GPT: variants seen among roughly 807,000 people sequenced by gnomAD.
GPT encodes the protein alanine aminotransferase 1.
In GPT, 60 loss-of-function variants were observed where a neutral mutation model predicts 51.4. That is an observed-to-expected ratio of 1.17 (90% confidence interval 0.95 to 1.45). The LOEUF (loss-of-function observed/expected upper bound fraction) is 1.45. Ranked by LOEUF, GPT falls within the 40% of genes most tolerant of loss-of-function variation. The pLI is 0.00. For synonymous variants in GPT, 397 were observed against 303.1 expected (o/e 1.31, Z -3.22); for missense variants, 853 against 704.0 (o/e 1.21, Z -2.40).
Position 144,506,971 on chromosome 8 carries a change from C to T in GPT, c.1462C>T (p.His488Tyr). Reference sequence around the variant, plus strand: ...GCTGCTGGAGAAGCTGAGCAGGTTCCATGCCAAGTTCACCCTCGAGTACTC... The same window carrying T: ...GCTGCTGGAGAAGCTGAGCAGGTTCTATGCCAAGTTCACCCTCGAGTACTC... ...RLLLEKLSRF[H>Y]AKFTLEYS The change falls in exon 11 of 11, where the codon CAT becomes TAT. Residue 488 changes from histidine (H) to tyrosine (Y), a missense_variant. Physicochemically the swap from His to Tyr is moderately conservative, Grantham distance 83. Transcript: ENST00000394955. This position sits in a 1 kb window ranked among gnomAD's most constrained non-coding sequence, Gnocchi z 7.0. The T allele has an allele frequency of 6.2e-7, 1 of 1,612,722 alleles. No individual in the cohort carries two copies. The highest frequency in any genetic ancestry group is 8.5e-7 in the Non-Finnish European group (1 of 1,179,882).
At position 144,506,477 on chromosome 8, in the gene GPT, T is replaced by C. The variant is rs1444894727; in HGVS notation, c.1132-24T>C. 15 of 1,587,900 alleles carry C rather than the reference T, an allele frequency of 9.4e-6. No individual in the cohort carries two copies. Among genetic ancestry groups the C allele is most frequent in the African/African-American group, 1.3e-5 (1 of 74,622 alleles). The stretch of plus-strand genomic sequence containing the variant: ...GGGGATGCCGAGTGCCGTGCCCTGA[T>C]GGGCCCTCCCTCCGCGGCCACAGGA... On this transcript the variant is annotated intron_variant, in intron 8 of 10. Coordinates refer to ENST00000394955, the MANE Select transcript of GPT (RefSeq NM_005309.3). This position sits in a 1 kb window ranked among gnomAD's most constrained non-coding sequence, Gnocchi z 7.0.
At chr8:144,504,749 C>T in intron 2 of GPT, 22 bp from the exon 3 acceptor site, 2 of 1,599,944 alleles carry the variant, frequency 1.3e-6, no homozygotes, top group Non-Finnish European at 1.7e-6. Flanking sequence ...TGTGCCCTGG[C>T]CTCAGCACTC....
rs1363067936 is a variant in GPT, at chr8:144,504,464, C to T, written c.160C>T (p.Gln54Ter). Residue 54 changes from glutamine (Q) to a stop codon, truncating the protein, a stop_gained and splice_region_variant, in exon 1 of 11, where the codon CAG (glutamine) becomes TAG (stop). Coordinates refer to ENST00000394955, the MANE Select transcript of GPT (RefSeq NM_005309.3). LOFTEE classifies it high-confidence loss of function. Reference protein sequence around the residue: ...RALELEQELRQGVKKPFTEVI... With the variant: ...RALELEQELR Reference sequence around the variant, plus strand: ...CTTGGAGCTGGAGCAGGAGCTGCGCCAGGTATGGCCCAGGGCCCCTCGCTG... The same window carrying T: ...CTTGGAGCTGGAGCAGGAGCTGCGCTAGGTATGGCCCAGGGCCCCTCGCTG... 1.2e-6 allele frequency: 2 copies of T among 1,609,464 alleles called. No individual in the cohort carries two copies. The highest frequency in any genetic ancestry group is 1.7e-6 in the Non-Finnish European group (2 of 1,179,538).
chr8:144,505,882 G>T lies in GPT; in HGVS notation c.774G>T (p.Val258=). 6.3e-7 allele frequency: 1 copy of T among 1,576,646 alleles called. No homozygotes were observed. The highest frequency in any genetic ancestry group is 2.3e-5 in the East Asian group (1 of 42,730). Residue 258 remains valine (V), a synonymous_variant, in exon 6 of 11, where the codon GTG becomes GTT. Transcript: ENST00000394955. ...QVQTRECIEA[V]IRFAFEERLF... ...AGACCCGCGAGTGCATCGAGGCCGT[G>T]ATCCGCTTCGCCTTCGAAGAGCGGC...
chr8:144,506,044 A>G lies in GPT; in HGVS notation c.869A>G (p.Lys290Arg). Reference sequence around the variant, plus strand: ...GCGGGTTCGCAGTTCCACTCATTCAAGAAGGTGCTCATGGAGATGGGGCCG... The same window carrying G: ...GCGGGTTCGCAGTTCCACTCATTCAGGAAGGTGCTCATGGAGATGGGGCCG... ...YAAGSQFHSF[K>R]KVLMEMGPPY... Residue 290 changes from lysine (K) to arginine (R), a missense_variant, in exon 7 of 11, where the codon AAG (lysine) becomes AGG (arginine). By Grantham distance (26) the Lys-to-Arg change is conservative. Coordinates refer to ENST00000394955, the MANE Select transcript of GPT (RefSeq NM_005309.3). The surrounding 1 kb of genome is among the most constrained non-coding windows in gnomAD (Gnocchi z 7.0). 6.2e-7 allele frequency: 1 copy of G among 1,612,410 alleles called. No individual in the cohort carries two copies. The highest frequency in any genetic ancestry group is 8.5e-7 in the Non-Finnish European group (1 of 1,179,714).
At position 144,506,466 on chromosome 8, in the gene GPT, C is replaced by A; in HGVS notation, c.1132-35C>A. 1 of 1,580,226 alleles carries A rather than the reference C, an allele frequency of 6.3e-7. No homozygotes were observed. The highest frequency in any genetic ancestry group is 1.3e-5 in the African/African-American group (1 of 74,612). ...AATCAGGGGTGGGGGATGCCGAGTG[C>A]CGTGCCCTGATGGGCCCTCCCTCCG... is the stretch of plus-strand genomic sequence containing the variant. On this transcript the variant is annotated intron_variant, in intron 8 of 10. Transcript: ENST00000394955. The surrounding 1 kb of genome is among the most constrained non-coding windows in gnomAD (Gnocchi z 7.0).
At position 144,504,192 on chromosome 8, in the gene GPT, C is replaced by A; in HGVS notation, c.-113C>A. 8.6e-7 allele frequency: 1 copy of A among 1,157,958 alleles called. No homozygotes were observed. Among genetic ancestry groups the A allele is most frequent in the Non-Finnish European group, 1.2e-6 (1 of 803,486 alleles). 71.7% of individuals were successfully genotyped at this position (1,157,958 alleles called of 1,614,324 possible). On this transcript the variant is annotated 5_prime_UTR_variant, in exon 1 of 11. Transcript: ENST00000394955. ...GCTCTCTTGCCTGGAGTTCCCTCTGCTACGGCTGCCCCCTCCCAGCCCTGG... is the reference window on the plus strand; with the variant it reads ...GCTCTCTTGCCTGGAGTTCCCTCTGATACGGCTGCCCCCTCCCAGCCCTGG...
At position 144,505,285 on chromosome 8, in the gene GPT, C is replaced by G; in HGVS notation, c.535C>G (p.Arg179Gly). 2 of 1,582,312 alleles carry G rather than the reference C, an allele frequency of 1.3e-6. No individual in the cohort carries two copies. The highest frequency in any genetic ancestry group is 8.6e-7 in the Non-Finnish European group (1 of 1,164,822). The change falls in exon 5 of 11, where the codon CGC (arginine) becomes GGC (glycine). Residue 179 changes from arginine to glycine, a missense_variant. Physicochemically the swap from Arg to Gly is moderately radical, Grantham distance 125. Coordinates refer to ENST00000394955, the MANE Select transcript of GPT (RefSeq NM_005309.3). ...GCTGGTGGCCGGCGAGGGCCACACA[C>G]GCACGGGTGTGCTCATCCCCATCCC... ...KLLVAGEGHT[R>G]TGVLIPIPQY...
At chr8:144,503,226 C>T (rs911669423), upstream of GPT, 5 of 152,206 alleles carry the variant, frequency 3.3e-5, no homozygotes, top group African/African-American at 9.7e-5. Flanking sequence ...GGCTGGTTGC[C>T]CACAGCCCTG....
chr8:144,505,176 G>A (rs1189332467), intron 4 of GPT, 45 bp downstream of exon 4: 4 of 1,612,616 alleles, frequency 2.5e-6, no homozygotes, highest in African/African-American at 1.3e-5. Context: ...ACTGCAGAGG[G>A]GGCGCCCAGG....
In GPT at chr8:144,506,641, G is replaced by A. The variant is rs771805043; in HGVS notation, c.1272G>A (p.Ala424=). ...CGCGCGTGCAGCTGCCCCCGCGGGC[G>A]GTGGAGCGCGCTCAGGTCAGGCGGG... ...SFPRVQLPPR[A]VERAQELGLA... is the part of the protein sequence containing the mutation. The change falls in exon 9 of 11, where the codon GCG becomes GCA. Residue 424 remains alanine, a synonymous_variant. Transcript: ENST00000394955. This position sits in a 1 kb window ranked among gnomAD's most constrained non-coding sequence, Gnocchi z 7.0. 8.7e-5 allele frequency: 135 copies of A among 1,558,282 alleles called. 1 individual carries two copies. The South Asian group carries it at 1.1e-3, about 13-fold the overall frequency.
chr8:144,505,148 C>A lies in GPT; in HGVS notation c.495+17C>A. ...GCCATCGTGGTAGGCTGGGCATGGGCACCAAGACATTCCTGACACTGCAGA... is the reference window on the plus strand; with the variant it reads ...GCCATCGTGGTAGGCTGGGCATGGGAACCAAGACATTCCTGACACTGCAGA... On this transcript the variant is annotated intron_variant, in intron 4 of 10. Coordinates refer to ENST00000394955, the MANE Select transcript of GPT (RefSeq NM_005309.3). 1 of 1,612,898 alleles carries A rather than the reference C, an allele frequency of 6.2e-7. No homozygotes were observed. The highest frequency in any genetic ancestry group is 8.5e-7 in the Non-Finnish European group (1 of 1,179,998).
Position 144,506,087 on chromosome 8 carries a change from G to A in GPT, c.912G>A (p.Gln304=), listed in dbSNP as rs770500560. The part of the protein sequence containing the change: ...MEMGPPYAGQ[Q]ELASFHSTSK... The stretch of plus-strand genomic sequence containing the variant: ...TGGGGCCGCCCTACGCCGGGCAGCA[G>A]GAGCTTGCCTCCTTCCACTCCACCT... Residue 304 remains glutamine (Q), a synonymous_variant, in exon 7 of 11, where the codon CAG becomes CAA. Transcript: ENST00000394955. This position sits in a 1 kb window ranked among gnomAD's most constrained non-coding sequence, Gnocchi z 7.0. 3.1e-6 allele frequency: 5 copies of A among 1,612,236 alleles called. No individual in the cohort carries two copies. The African/African-American group carries it at 4.0e-5, about 13-fold the overall frequency.
rs1400375044 is a variant in GPT at position 144,505,274 on chromosome 8, A to G, written c.524A>G (p.Glu175Gly). 6.3e-7 allele frequency: 1 copy of G among 1,591,540 alleles called. No individual in the cohort carries two copies. Among genetic ancestry groups the G allele is most frequent in the Non-Finnish European group, 8.5e-7 (1 of 1,169,758 alleles). ...GTGCTGAAGCTGCTGGTGGCCGGCG[A>G]GGGCCACACACGCACGGGTGTGCTC... ...VTVLKLLVAG[E>G]GHTRTGVLIP... Residue 175 changes from glutamate to glycine, a missense_variant, in exon 5 of 11, where the codon GAG becomes GGG. Physicochemically the swap from Glu to Gly is moderately conservative, Grantham distance 98. Coordinates refer to ENST00000394955, the MANE Select transcript of GPT (RefSeq NM_005309.3).
rs376198243 is a variant in GPT at position 144,505,458 on chromosome 8, G to A, written c.708G>A (p.Ala236=). ...CGCGTGACCACTGCCGCCCTCGTGC[G>A]CTCTGTGTCATCAACCCTGGCAACC... is the stretch of plus-strand genomic sequence containing the variant. ...GQARDHCRPR[A]LCVINPGNPT... The change falls in exon 5 of 11, where the codon GCG becomes GCA. Residue 236 remains alanine (A), a synonymous_variant. Transcript: ENST00000394955. 3 of 1,594,542 alleles carry A rather than the reference G, an allele frequency of 1.9e-6. No individual in the cohort carries two copies. The highest frequency in any genetic ancestry group is 4.5e-5 in the East Asian group (2 of 44,112).
rs756132776 is a variant in GPT at position 144,504,404 on chromosome 8, G to A, written c.100G>A (p.Glu34Lys). 5.6e-6 allele frequency: 9 copies of A among 1,611,676 alleles called. No individual in the cohort carries two copies. Among genetic ancestry groups the A allele is most frequent in the Non-Finnish European group, 7.6e-6 (9 of 1,179,934 alleles). ...CATGAACCCGCGTGTGCGGAGAGTG[G>A]AGTACGCAGTGCGTGGCCCCATAGT... The part of the protein sequence containing the change: ...DGMNPRVRRV[E>K]YAVRGPIVQR... The change falls in exon 1 of 11, where the codon GAG becomes AAG. Residue 34 changes from glutamate (E) to lysine (K), a missense_variant. Transcript: ENST00000394955.
chr8:144,504,194 A>T lies in GPT; in HGVS notation c.-111A>T. The T allele has an allele frequency of 2.5e-6, 3 of 1,180,808 alleles. No homozygotes were observed. Among genetic ancestry groups the T allele is most frequent in the Non-Finnish European group, 3.6e-6 (3 of 823,760 alleles). The allele number at this position is 1,180,808 out of a possible 1,614,324, so 73.1% of individuals were successfully genotyped here. The stretch of plus-strand genomic sequence containing the variant: ...TCTCTTGCCTGGAGTTCCCTCTGCT[A>T]CGGCTGCCCCCTCCCAGCCCTGGCC... On this transcript the variant is annotated 5_prime_UTR_variant, in exon 1 of 11. Coordinates refer to ENST00000394955, the MANE Select transcript of GPT (RefSeq NM_005309.3).
rs1175603085 is a variant in GPT, at chr8:144,506,337, ACAGGCCCTGCTGGACCT to A, written c.1063_1079del (p.Gln355GlyfsTer18). ...TGCGGCTGTGCCCGCCGGTGCCAGGACAGGCCCTGCTGGACCTGGTGGTCAGCCCGCCCGCGCCCACC... is the reference window on the plus strand; with the variant it reads ...TGCGGCTGTGCCCGCCGGTGCCAGGAGGTGGTCAGCCCGCCCGCGCCCACC... On this transcript the variant is annotated frameshift_variant, in exon 8 of 11. Transcript: ENST00000394955. LOFTEE classifies it high-confidence loss of function. The surrounding 1 kb of genome is among the most constrained non-coding windows in gnomAD (Gnocchi z 7.0). 1.3e-6 allele frequency: 2 copies of A among 1,580,470 alleles called. No homozygotes were observed. The highest frequency in any genetic ancestry group is 4.6e-5 in the East Asian group (2 of 43,270).
rs765958896 is a variant in GPT, at chr8:144,506,956, A to T, written c.1447A>T (p.Lys483Ter). 3.1e-6 allele frequency: 5 copies of T among 1,612,634 alleles called. No homozygotes were observed. Among genetic ancestry groups the T allele is most frequent in the Non-Finnish European group, 4.2e-6 (5 of 1,179,936 alleles). ...PLEKLRLLLE[K>*]LSRFHAKFTL... ...GGAGAAACTGCGGCTGCTGCTGGAG[A>T]AGCTGAGCAGGTTCCATGCCAAGTT... is the stretch of plus-strand genomic sequence containing the variant. Residue 483 changes from lysine to a stop codon, truncating the protein, a stop_gained, in exon 11 of 11, where the codon AAG becomes TAG. Transcript: ENST00000394955. LOFTEE classifies it high-confidence loss of function. This position sits in a 1 kb window ranked among gnomAD's most constrained non-coding sequence, Gnocchi z 7.0.
Sources: gnomAD v4.1 joint callset for allele counts on GRCh38, gnomAD v4.1.1 for gene constraint, Gnocchi (gnomAD v3.1) non-coding constraint, MANE v1.5 for transcripts, NCBI Gene and HGNC (gene_info 2026-07-23, HGNC 2026-07-21) for gene names.